CAMTA1: variants seen among roughly 807,000 people sequenced by gnomAD.
CAMTA1 encodes calmodulin binding transcription activator 1.
Under a neutral mutation model 170.9 loss-of-function variants are expected in CAMTA1, and 27 were observed. The ratio of observed to expected loss-of-function variants is 0.16; its 90% CI spans 0.12 to 0.22. CAMTA1 has a LOEUF of 0.22. Ranked by LOEUF, CAMTA1 falls within the 10% of genes least tolerant of loss-of-function variation. The pLI, the probability that CAMTA1 is intolerant of heterozygous loss-of-function variation, is 1.00. For missense variants in CAMTA1, 1,619 were observed against 2,217.2 expected (o/e 0.73, Z 5.42); for synonymous variants, 833 against 891.5 (o/e 0.93, Z 1.17).
At chr1:7,074,411 A>G (rs2147953034) in intron 3 of CAMTA1, among the ~76,000 whole-genome samples, 1 of 152,360 alleles carries the variant, frequency 6.6e-6, no homozygotes, top group African/African-American at 2.4e-5. Flanking sequence ...TTGTAGAAAA[A>G]TAGGAAAATA....
intron 7 of CAMTA1, among the ~76,000 whole-genome samples, chr1:7,645,979 T>G (rs916775923): frequency 1.3e-5 from 2 of 152,162 alleles, no homozygotes; most frequent in Admixed American, 6.5e-5. Flanking sequence ...ACAAAGGCCA[T>G]GTTGAAAGTG....
At chr1:7,718,898 C>T (rs1433330781) in intron 11 of CAMTA1, among the ~76,000 whole-genome samples, 1 of 134,736 alleles carries the variant, frequency 7.4e-6, no homozygotes, top group South Asian at 2.5e-4. Context: ...AGGAGTAATA[C>T]GCTTTCTCTG....
intron 3 of CAMTA1, among the ~76,000 whole-genome samples, chr1:6,860,652 G>A (rs912785184): frequency 6.6e-6 from 1 of 152,052 alleles, no homozygotes; most frequent in South Asian, 2.1e-4. Context: ...ACTCACACCC[G>A]TAATCTCAGC....
At chr1:7,313,217 G>A (rs1677005241) in intron 5 of CAMTA1, among the ~76,000 whole-genome samples, 1 of 152,122 alleles carries the variant, frequency 6.6e-6, no homozygotes, top group African/African-American at 2.4e-5. Context: ...CCTATCTCCA[G>A]CCAACAGAAA....
intron 1 of CAMTA1, among the ~76,000 whole-genome samples, chr1:6,814,064 A>G (rs900847587): frequency 6.6e-6 from 1 of 152,214 alleles, no homozygotes; most frequent in Non-Finnish European, 1.5e-5. Flanking sequence ...TACTGGGAAG[A>G]ACAAGCCAGA....
chr1:7,035,989 C>T (rs751982507), intron 3 of CAMTA1, among the ~76,000 whole-genome samples: 25 of 152,078 alleles, frequency 1.6e-4, no homozygotes, highest in Non-Finnish European at 3.2e-4. Flanking sequence ...ATGTACAGCA[C>T]GGTACCATTT....
At chr1:7,430,262 G>A (rs1287567434) in intron 5 of CAMTA1, among the ~76,000 whole-genome samples, 1 of 151,972 alleles carries the variant, frequency 6.6e-6, no homozygotes, top group Non-Finnish European at 1.5e-5. Flanking sequence ...TGCTGATGAT[G>A]ATGGGGATGA....
At chr1:6,940,734 G>T (rs1318076984) in intron 3 of CAMTA1, among the ~76,000 whole-genome samples, 1 of 152,076 alleles carries the variant, frequency 6.6e-6, no homozygotes, top group East Asian at 1.9e-4. Flanking sequence ...GTGCACTGGG[G>T]ATTACTGGAG....
chr1:6,805,115 A>G (rs1644365451), intron 1 of CAMTA1, among the ~76,000 whole-genome samples: 1 of 152,222 alleles, frequency 6.6e-6, no homozygotes, highest in African/African-American at 2.4e-5. Context: ...ACTTTTCCAA[A>G]GTGGTTAGAT....
chr1:7,631,079 A>G (rs540202267), intron 6 of CAMTA1, among the ~76,000 whole-genome samples: 26 of 152,084 alleles, frequency 1.7e-4, no homozygotes, highest in Non-Finnish European at 3.2e-4. Context: ...TCCCCTGCAC[A>G]CCCCACAGAG....
At chr1:7,110,576 T>C (rs940905688) in intron 4 of CAMTA1, among the ~76,000 whole-genome samples, 21 of 152,206 alleles carry the variant, frequency 1.4e-4, no homozygotes, top group East Asian at 5.8e-4. Context: ...TCCTGTAATA[T>C]TTAATCAGCA....
chr1:6,993,328 G>A (rs181813099), intron 3 of CAMTA1, among the ~76,000 whole-genome samples: 1 of 152,098 alleles, frequency 6.6e-6, no homozygotes, highest in Non-Finnish European at 1.5e-5. Flanking sequence ...GAGTCTTCCA[G>A]TCCATAAAGG....
In CAMTA1 at chr1:7,443,849, GT is replaced by G. The variant is rs70984086; in HGVS notation, c.439-23980del. Among the ~76,000 whole-genome samples the G allele has an allele frequency of 0.24, 36,756 of 152,064 alleles. 5,347 individuals are homozygous for G. The highest frequency in any genetic ancestry group is 0.38 in the South Asian group (1,820 of 4,816). On this transcript the variant is annotated intron_variant, in intron 5 of 22. Transcript: ENST00000303635. The surrounding 1 kb of genome is among the most constrained non-coding windows in gnomAD (Gnocchi z 4.1). ...GGTCCCAAGACAGCCTCTACAGGGG[GT>G]CCCAGCTGAGCAGGCCAGAGGGAGG...
intron 3 of CAMTA1, among the ~76,000 whole-genome samples, chr1:6,992,329 C>T (rs1231612728): frequency 6.6e-6 from 1 of 152,162 alleles, no homozygotes. Flanking sequence ...GCCTCAGCCT[C>T]CCAAAGTGCT....
intron 3 of CAMTA1, among the ~76,000 whole-genome samples, chr1:7,023,319 A>G (rs968494163): frequency 3.9e-5 from 6 of 152,234 alleles, no homozygotes; most frequent in Admixed American, 2.6e-4. Context: ...GTTATGGGGG[A>G]TGATTCCTCA....
At chr1:7,766,033 A>AG in intron 22 of CAMTA1, among the ~76,000 whole-genome samples, 1 of 113,522 alleles carries the variant, frequency 8.8e-6, no homozygotes, top group East Asian at 3.5e-4. Context: ...TCTCAAAAAA[A>AG]AAAAAAAAAA....
At chr1:7,155,529 T>C (rs1276536035) in intron 4 of CAMTA1, among the ~76,000 whole-genome samples, 3 of 151,188 alleles carry the variant, frequency 2.0e-5, no homozygotes, top group East Asian at 2.0e-4. Flanking sequence ...TTTTTTTTTT[T>C]CCAAGAGATC....
At chr1:7,501,855 C>T (rs1269880664) in intron 6 of CAMTA1, among the ~76,000 whole-genome samples, 3 of 152,110 alleles carry the variant, frequency 2.0e-5, no homozygotes, top group Admixed American at 2.0e-4. Context: ...GATCCAAATT[C>T]CTCAGCTGCC....
intron 4 of CAMTA1, among the ~76,000 whole-genome samples, chr1:7,204,830 C>CTTTTTTTTTTTTTTT (rs367812076): frequency 1.2e-5 from 1 of 86,806 alleles, no homozygotes; most frequent in Non-Finnish European, 2.2e-5. Context: ...TTCTTTTTTT[C>CTTTTTTTTTTTTTTT]TTTTTTTTTT....
Sources: allele counts gnomAD v4.1 joint callset (sites outside exome capture counted in the v4.1 genomes callset), GRCh38; gene constraint gnomAD v4.1.1; non-coding constraint Gnocchi (gnomAD v3.1); transcripts MANE v1.5; gene names NCBI Gene and HGNC (gene_info 2026-07-23, HGNC 2026-07-21).